The following MTHFD1L variants were observed in gnomAD, a reference collection of about 807,000 sequenced individuals.
MTHFD1L encodes monofunctional C1-tetrahydrofolate synthase, mitochondrial.
A neutral mutation model predicts 119.5 loss-of-function variants in MTHFD1L; 81 were observed. The ratio of observed to expected loss-of-function variants is 0.68; its 90% CI spans 0.57 to 0.82. MTHFD1L has a LOEUF of 0.82. MTHFD1L is among the 40% of genes least tolerant of loss of function. The pLI is 0.00. For synonymous variants in MTHFD1L, 430 were observed against 475.2 expected (o/e 0.90, Z 1.24); for missense variants, 1,125 against 1,253.4 (o/e 0.90, Z 1.55).
intron 7 of MTHFD1L, among the ~76,000 whole-genome samples, chr6:150,891,154 T>G (rs1349194380): frequency 1.3e-5 from 2 of 151,966 alleles, no homozygotes; most frequent in African/African-American, 4.8e-5. Flanking sequence ...CCCAGCTAAT[T>G]TTTGTATTTT....
intron 7 of MTHFD1L, among the ~76,000 whole-genome samples, chr6:150,894,100 G>A (rs1305271018): frequency 6.6e-6 from 1 of 152,104 alleles, no homozygotes; most frequent in Non-Finnish European, 1.5e-5. Flanking sequence ...AAATTAGCCA[G>A]GCGTGGTGGC....
intron 20 of MTHFD1L, among the ~76,000 whole-genome samples, chr6:150,979,143 C>G (rs1251893204): frequency 1.3e-5 from 2 of 152,050 alleles, no homozygotes; most frequent in African/African-American, 4.8e-5. Context: ...GAGGGTGAGG[C>G]AGGAGAATCG....
intron 26 of MTHFD1L, among the ~76,000 whole-genome samples, chr6:151,040,018 G>A (rs79754269): frequency 3.3e-5 from 5 of 152,268 alleles, no homozygotes; most frequent in African/African-American, 1.2e-4. Flanking sequence ...TTTAGCTGGT[G>A]AAAGCCTTGG....
At chr6:150,943,469 GA>G (rs977682370) in intron 13 of MTHFD1L, among the ~76,000 whole-genome samples, 1 of 146,142 alleles carries the variant, frequency 6.8e-6, no homozygotes, top group Admixed American at 6.9e-5. Context: ...TGTCTCTACA[GA>G]AAAAAAAAGA....
At chr6:151,080,976 T>C (rs1324574007) in intron 26 of MTHFD1L, among the ~76,000 whole-genome samples, 1 of 152,304 alleles carries the variant, frequency 6.6e-6, no homozygotes, top group African/African-American at 2.4e-5. Flanking sequence ...CGATCATGGC[T>C]CCCTACAGCC....
intron 26 of MTHFD1L, among the ~76,000 whole-genome samples, chr6:151,068,507 A>G (rs1164519709): frequency 3.9e-5 from 6 of 152,148 alleles, no homozygotes; most frequent in Admixed American, 2.6e-4. Context: ...CGAGGGTTCA[A>G]TTACAACATC....
chr6:151,062,606 A>G (rs910103547), intron 26 of MTHFD1L, among the ~76,000 whole-genome samples: 32 of 152,216 alleles, frequency 2.1e-4, no homozygotes, highest in African/African-American at 7.0e-4. Context: ...CACATCTTAT[A>G]TATTAGGACT....
rs570640605 is a variant in MTHFD1L at position 150,885,220 on chromosome 6, G to A, written c.543-414G>A. On this transcript the variant is annotated intron_variant, in intron 5 of 27. Transcript: ENST00000367321. ...ATGGGTTTTTTTTTTTTTTTGAGAT[G>A]GAGTCTCGCTCTGTTGCCCAGGCTG... 7.8e-5 allele frequency among the ~76,000 whole-genome samples: 11 copies of A among 141,626 alleles called. No individual in the cohort carries two copies. In the East Asian group the frequency reaches 2.2e-3, roughly 29 times the overall value. 92.9% of individuals were successfully genotyped at this position (141,626 alleles called of 152,430 possible).
At chr6:150,880,457 A>AT (rs1300007359) in intron 4 of MTHFD1L, among the ~76,000 whole-genome samples, 2 of 152,206 alleles carry the variant, frequency 1.3e-5, no homozygotes, top group African/African-American at 4.8e-5. Flanking sequence ...TTATGGTTGA[A>AT]TGATACTCCA....
rs966399879 is a variant in MTHFD1L, at chr6:150,926,354, A to G, written c.1256+59A>G. On this transcript the variant is annotated intron_variant, in intron 11 of 27. Transcript: ENST00000367321. This position sits in a 1 kb window ranked among gnomAD's most constrained non-coding sequence, Gnocchi z 4.3. ...AGACATATTTACAAAACTCTTCCCT[A>G]TTTATCTCTCTCCTCGTACCCCTCA... 3 of 1,467,182 alleles carry G rather than the reference A, an allele frequency of 2.0e-6. No homozygotes were observed. The highest frequency in any genetic ancestry group is 2.3e-5 in the East Asian group (1 of 43,594). The allele number at this position is 1,467,182 out of a possible 1,614,324, so 90.9% of individuals were successfully genotyped here.
In MTHFD1L at chr6:151,009,119, T is replaced by A. The variant is rs1453506635; in HGVS notation, c.2126-700T>A. ...CCTGGGGGACAAGAGCGAAACTCCA[T>A]CTCAAAAAAAAAAAAAAAAAAAAGA... is the stretch of plus-strand genomic sequence containing the variant. On this transcript the variant is annotated intron_variant, in intron 20 of 27. Coordinates refer to ENST00000367321, the MANE Select transcript of MTHFD1L (RefSeq NM_015440.5). 2.2e-3 allele frequency among the ~76,000 whole-genome samples: 192 copies of A among 86,758 alleles called. 1 individual carries two copies. Among genetic ancestry groups the A allele is most frequent in the Non-Finnish European group, 3.0e-3 (144 of 48,394 alleles). 56.9% of individuals were successfully genotyped at this position (86,758 alleles called of 152,430 possible).
At chr6:151,041,890 T>C (rs1245155698) in intron 26 of MTHFD1L, 1 of 495,148 alleles carries the variant, frequency 2.0e-6, no homozygotes, top group Admixed American at 2.3e-5. Flanking sequence ...CATGGTGAGA[T>C]GCTGGAGCTT....
chr6:150,865,936 C>CGGCGGCGGT lies in MTHFD1L; in HGVS notation c.118_126dup (p.Gly40_Gly42dup), dbSNP rs1381700759. 5 of 1,211,522 alleles carry CGGCGGCGGT rather than the reference C, an allele frequency of 4.1e-6. No individual in the cohort carries two copies. The highest frequency in any genetic ancestry group is 5.1e-6 in the Non-Finnish European group (5 of 978,564). 75.0% of individuals were successfully genotyped at this position (1,211,522 alleles called of 1,614,324 possible). A position where few individuals can be genotyped will look rare whatever the true frequency, so the allele number is the denominator to read the frequency against. ...GCGCTAGCAGCGGCGGCGGCGGAGG[C>CGGCGGCGGT]GGCGGCGGTGGCCGGGAGGGCCTGC... On this transcript the variant is annotated inframe_insertion, in exon 1 of 28. Transcript: ENST00000367321.
At chr6:151,038,462 G>C (rs1786545488) in intron 26 of MTHFD1L, among the ~76,000 whole-genome samples, 1 of 152,160 alleles carries the variant, frequency 6.6e-6, no homozygotes, top group Non-Finnish European at 1.5e-5. Context: ...TAGCAGGACA[G>C]GGTCACATGG....
intron 15 of MTHFD1L, among the ~76,000 whole-genome samples, chr6:150,948,455 G>C (rs139828589): frequency 0.022 from 3,406 of 151,818 alleles, 134 homozygotes; most frequent in African/African-American, 0.077. Context: ...AAGTAGCTGG[G>C]ATTACAGGTG....
chr6:151,006,564 A>G lies in MTHFD1L; in HGVS notation c.2126-3255A>G, dbSNP rs546873520. ...ACACGGGCGCATTGAAGGGGGGAGGAGCTAGGTTTTTGAAGGGAATTTGAG... is the reference window on the plus strand; with the variant it reads ...ACACGGGCGCATTGAAGGGGGGAGGGGCTAGGTTTTTGAAGGGAATTTGAG... On this transcript the variant is annotated intron_variant, in intron 20 of 27. Coordinates refer to ENST00000367321, the MANE Select transcript of MTHFD1L (RefSeq NM_015440.5). Among the ~76,000 whole-genome samples the G allele has an allele frequency of 2.1e-3, 316 of 152,168 alleles. 2 individuals are homozygous for G. Among genetic ancestry groups the G allele is most frequent in the African/African-American group, 7.3e-3 (302 of 41,476 alleles).
chr6:151,091,124 A>G (rs1794384956), intron 26 of MTHFD1L, among the ~76,000 whole-genome samples: 1 of 147,456 alleles, frequency 6.8e-6, no homozygotes, highest in Non-Finnish European at 1.5e-5. Flanking sequence ...GCATCGTTCT[A>G]TGTGACTGGG....
chr6:150,927,677 G>A lies in MTHFD1L; in HGVS notation c.1256+1382G>A, dbSNP rs563848817. ...TCACCATGTTGGCCAGGCTTTTCTC[G>A]AACTCCTGACCTCAAGTGATCCACC... On this transcript the variant is annotated intron_variant, in intron 11 of 27. Transcript: ENST00000367321. Among the ~76,000 whole-genome samples, 30 of 151,912 alleles carry A rather than the reference G, an allele frequency of 2.0e-4. No individual in the cohort carries two copies. In the South Asian group the frequency reaches 2.1e-3, roughly 11 times the overall value.
chr6:150,986,857 A>T (rs1778378044), intron 20 of MTHFD1L, among the ~76,000 whole-genome samples: 1 of 152,154 alleles, frequency 6.6e-6, no homozygotes. Flanking sequence ...GGCATCTACC[A>T]TGCCCAGTTA....
Sources: gnomAD v4.1 joint callset for allele counts (sites outside exome capture counted in the v4.1 genomes callset) on GRCh38, gnomAD v4.1.1 for gene constraint, Gnocchi (gnomAD v3.1) non-coding constraint, MANE v1.5 for transcripts, NCBI Gene and HGNC (gene_info 2026-07-23, HGNC 2026-07-21) for gene names.